TMEM178B: variants seen among roughly 807,000 people sequenced by gnomAD.
TMEM178B encodes transmembrane protein 178B.
Under a neutral mutation model 31.0 loss-of-function variants are expected in TMEM178B, and 5 were observed. The observed-to-expected ratio is 0.16, with a 90% confidence interval of 0.08 to 0.34. TMEM178B has a LOEUF of 0.34. Among genes scored for constraint, TMEM178B ranks in the 10% least tolerant of loss-of-function variants. The pLI is 1.00. For missense variants in TMEM178B, 275 were observed against 400.3 expected (o/e 0.69, Z 2.67); for synonymous variants, 164 against 164.0 (o/e 1.00, Z 0.00).
rs555950924 is a variant in TMEM178B at position 141,435,544 on chromosome 7, T to A, written c.497-2064T>A. The stretch of plus-strand genomic sequence containing the variant: ...GTGGTGGGGAAAGCAGGGACTAAGG[T>A]ATAGGGCTGGTGGCCATGGAGACAG... On this transcript the variant is annotated intron_variant, in intron 2 of 3. Transcript: ENST00000565468. 2.0e-4 allele frequency among the ~76,000 whole-genome samples: 30 copies of A among 152,130 alleles called. No homozygotes were observed. In the South Asian group the frequency reaches 5.8e-3, roughly 30 times the overall value.
chr7:141,083,490 G>A (rs12537081), intron 1 of TMEM178B, among the ~76,000 whole-genome samples: 4,560 of 116,096 alleles, frequency 0.039, 452 homozygotes, highest in East Asian at 0.39. Flanking sequence ...AGGAAGGGAG[G>A]GAGAGAGAGA....
chr7:141,192,328 G>A (rs1236502166), intron 1 of TMEM178B, among the ~76,000 whole-genome samples: 1 of 152,124 alleles, frequency 6.6e-6, no homozygotes, highest in African/African-American at 2.4e-5. Flanking sequence ...AGGACCGTCA[G>A]GGTGTGGAGG....
chr7:141,350,792 A>C (rs563455247), intron 2 of TMEM178B, among the ~76,000 whole-genome samples: 1 of 152,188 alleles, frequency 6.6e-6, no homozygotes, highest in African/African-American at 2.4e-5. Context: ...ATACACACAC[A>C]CAAAACAAAA....
chr7:141,101,908 CGTGTGTGTGTGT>C (rs3032868), intron 1 of TMEM178B, among the ~76,000 whole-genome samples: 11 of 142,712 alleles, frequency 7.7e-5, no homozygotes, highest in East Asian at 2.0e-4. Context: ...TGTGTGTTAA[CGTGTGTGTGTGT>C]GTGTGTGTGT....
chr7:141,200,336 G>A (rs1317351429), intron 1 of TMEM178B, among the ~76,000 whole-genome samples: 1 of 151,820 alleles, frequency 6.6e-6, no homozygotes, highest in Non-Finnish European at 1.5e-5. Flanking sequence ...GGCTGTCCTG[G>A]TTGTAGGGGA....
chr7:141,299,400 G>A (rs1482707338), intron 2 of TMEM178B, among the ~76,000 whole-genome samples: 1 of 152,042 alleles, frequency 6.6e-6, no homozygotes, highest in Non-Finnish European at 1.5e-5. Context: ...GTAGTCTTTT[G>A]TATTTTCCAA....
intron 2 of TMEM178B, among the ~76,000 whole-genome samples, chr7:141,393,651 C>T (rs753297137): frequency 8.5e-5 from 13 of 152,200 alleles, no homozygotes; most frequent in South Asian, 2.1e-4. Flanking sequence ...CAAAGAGAGA[C>T]GACATTGTTA....
the TMEM178B span, among the ~76,000 whole-genome samples, chr7:141,502,069 C>A: frequency 2.0e-5 from 3 of 152,104 alleles, no homozygotes; most frequent in African/African-American, 7.2e-5. Context: ...TGATCCGAAC[C>A]CTTCCCATCT....
chr7:141,413,428 G>A (rs1159385749), intron 2 of TMEM178B, among the ~76,000 whole-genome samples: 6 of 152,138 alleles, frequency 3.9e-5, no homozygotes, highest in Non-Finnish European at 8.8e-5. Context: ...ACAGCCTTAA[G>A]GATCTTAAGG....
chr7:141,170,044 A>G (rs563171809), intron 1 of TMEM178B, among the ~76,000 whole-genome samples: 4 of 152,292 alleles, frequency 2.6e-5, no homozygotes, highest in East Asian at 1.9e-4. Context: ...TTGGCTTTCC[A>G]TTACTATTGG....
At chr7:141,175,078 G>A (rs535027026) in intron 1 of TMEM178B, among the ~76,000 whole-genome samples, 165 of 152,150 alleles carry the variant, frequency 1.1e-3, no homozygotes, top group African/African-American at 3.9e-3. Flanking sequence ...TTTCTTCTAG[G>A]GTTTTTATGG....
intron 2 of TMEM178B, among the ~76,000 whole-genome samples, chr7:141,360,498 C>A (rs1283309282): frequency 2.0e-5 from 3 of 152,188 alleles, no homozygotes; most frequent in African/African-American, 7.2e-5. Context: ...TTTTTCCTCG[C>A]TCATTCCTTC....
chr7:141,094,305 T>C (rs1794924140), intron 1 of TMEM178B, among the ~76,000 whole-genome samples: 1 of 152,252 alleles, frequency 6.6e-6, no homozygotes, highest in Non-Finnish European at 1.5e-5. Flanking sequence ...CATTACAACC[T>C]AATGGGAAAA....
At chr7:141,283,308 C>A (rs559844245) in intron 2 of TMEM178B, among the ~76,000 whole-genome samples, 1 of 152,346 alleles carries the variant, frequency 6.6e-6, no homozygotes, top group African/African-American at 2.4e-5. Context: ...AGGAATCCAG[C>A]AAATGTGCTT....
At chr7:141,273,988 C>G (rs1798227518) in intron 2 of TMEM178B, among the ~76,000 whole-genome samples, 1 of 152,234 alleles carries the variant, frequency 6.6e-6, no homozygotes, top group South Asian at 2.1e-4. Flanking sequence ...TTCGGCAAAC[C>G]AACTGCTGCC....
At chr7:141,087,559 A>C (rs1794808994) in intron 1 of TMEM178B, among the ~76,000 whole-genome samples, 1 of 152,218 alleles carries the variant, frequency 6.6e-6, no homozygotes. Flanking sequence ...ACAAACCCAG[A>C]ATTGAGCACA....
At chr7:141,496,687 A>T in the TMEM178B span, among the ~76,000 whole-genome samples, 1 of 151,154 alleles carries the variant, frequency 6.6e-6, no homozygotes, top group Non-Finnish European at 1.5e-5. Flanking sequence ...AAAAAAAAAA[A>T]AAAAAACCTC....
chr7:141,334,364 G>A (rs1381569264), intron 2 of TMEM178B, among the ~76,000 whole-genome samples: 1 of 152,194 alleles, frequency 6.6e-6, no homozygotes, highest in Non-Finnish European at 1.5e-5. Context: ...GGTTTATTTT[G>A]CAGCTTAGAA....
chr7:141,201,123 T>G (rs888565707), intron 1 of TMEM178B, among the ~76,000 whole-genome samples: 1 of 151,332 alleles, frequency 6.6e-6, no homozygotes, highest in Non-Finnish European at 1.5e-5. Flanking sequence ...AGGGGCAGAG[T>G]TGGCTTAATA....
Sources: gnomAD v4.1 joint callset for allele counts (sites outside exome capture counted in the v4.1 genomes callset) on GRCh38, gnomAD v4.1.1 for gene constraint, MANE v1.5 for transcripts, NCBI Gene and HGNC (gene_info 2026-07-23, HGNC 2026-07-21) for gene names.